The following RIMS1 variants were observed in gnomAD, a reference collection of about 807,000 sequenced individuals.
RIMS1 encodes the protein regulating synaptic membrane exocytosis protein 1.
RIMS1 carries 83 observed loss-of-function variants against 214.1 expected under a neutral mutation model. That is an observed-to-expected ratio of 0.39 (90% confidence interval 0.32 to 0.47). The LOEUF (loss-of-function observed/expected upper bound fraction) is 0.47. Among genes scored for constraint, RIMS1 ranks in the 20% least tolerant of loss-of-function variants. The pLI is 0.99. For missense variants in RIMS1, 2,050 were observed against 2,161.8 expected (o/e 0.95, Z 1.03); for synonymous variants, 793 against 786.8 (o/e 1.01, Z -0.13).
intron 2 of RIMS1, among the ~76,000 whole-genome samples, chr6:71,979,388 G>GC (rs1342828613): frequency 1.3e-5 from 2 of 152,026 alleles, no homozygotes; most frequent in Non-Finnish European, 2.9e-5. Flanking sequence ...TTAGTGGCTT[G>GC]CCCCAGGGTC....
intron 1 of RIMS1, among the ~76,000 whole-genome samples, chr6:71,936,187 C>T (rs1215313095): frequency 6.6e-6 from 1 of 151,282 alleles, no homozygotes. Context: ...ATTAGCCGGG[C>T]GTGGTAGCGG....
At chr6:72,088,838 G>C (rs1024038976) in intron 2 of RIMS1, among the ~76,000 whole-genome samples, 1 of 151,868 alleles carries the variant, frequency 6.6e-6, no homozygotes, top group African/African-American at 2.4e-5. Flanking sequence ...ATTTCCTGGT[G>C]GTGGCAAAAT....
intron 6 of RIMS1, among the ~76,000 whole-genome samples, chr6:72,205,981 T>C (rs1377562762): frequency 6.6e-6 from 1 of 152,152 alleles, no homozygotes; most frequent in Non-Finnish European, 1.5e-5. Context: ...TTTGAAAAAA[T>C]GATTACATAT....
chr6:71,976,156 A>G (rs1020741560), intron 2 of RIMS1, among the ~76,000 whole-genome samples: 2 of 152,138 alleles, frequency 1.3e-5, no homozygotes, highest in African/African-American at 2.4e-5. Flanking sequence ...AAGTAGCTGC[A>G]TTATTTTACA....
chr6:72,010,378 G>C (rs1584832599), intron 2 of RIMS1, among the ~76,000 whole-genome samples: 1 of 152,154 alleles, frequency 6.6e-6, no homozygotes, highest in South Asian at 2.1e-4. Flanking sequence ...ATATCATACT[G>C]AATGGGCAAA....
intron 1 of RIMS1, among the ~76,000 whole-genome samples, chr6:71,892,634 C>T (rs62407746): frequency 0.13 from 19,036 of 152,078 alleles, 1,351 homozygotes; most frequent in Middle Eastern, 0.2. Flanking sequence ...CCCACCATTC[C>T]ACCTAACCAT....
intron 2 of RIMS1, among the ~76,000 whole-genome samples, chr6:72,076,156 T>C (rs1831802838): frequency 6.6e-6 from 1 of 152,240 alleles, no homozygotes; most frequent in Non-Finnish European, 1.5e-5. Context: ...ATCCAGACAC[T>C]ATGCTAAGTC....
chr6:72,234,104 A>C (rs1379482526), intron 7 of RIMS1, among the ~76,000 whole-genome samples: 1 of 152,036 alleles, frequency 6.6e-6, no homozygotes, highest in Non-Finnish European at 1.5e-5. Context: ...ACAAGTCAAC[A>C]TACAGAATCA....
At chr6:72,325,125 C>A (rs2096390601) in intron 28 of RIMS1, among the ~76,000 whole-genome samples, 1 of 151,688 alleles carries the variant, frequency 6.6e-6, no homozygotes, top group Non-Finnish European at 1.5e-5. Flanking sequence ...TCTTATCTTC[C>A]ACAATTTTTT....
intron 4 of RIMS1, chr6:72,148,723 T>C: frequency 2.3e-6 from 1 of 439,192 alleles, no homozygotes; most frequent in South Asian, 1.6e-5. Context: ...GTTTTTTTTT[T>C]TTTTTCTAGG....
rs554009069 is a variant in RIMS1, at chr6:72,158,604, C to G, written c.472-20971C>G. Among the ~76,000 whole-genome samples the G allele has an allele frequency of 9.5e-5, 12 of 126,958 alleles. 1 individual carries two copies. The South Asian group carries it at 3.5e-3, about 37-fold the overall frequency. The allele number at this position is 126,958 out of a possible 152,430, so 83.3% of individuals were successfully genotyped here. ...GCCCTGGTGTGTGATGTTCCCCTTC[C>G]TGTGTCCATGTGTTCTCATTGCTCA... On this transcript the variant is annotated intron_variant, in intron 4 of 33. Coordinates refer to ENST00000521978, the MANE Select transcript of RIMS1 (RefSeq NM_014989.7).
intron 19 of RIMS1, among the ~76,000 whole-genome samples, chr6:72,264,505 T>C (rs2079517134): frequency 6.6e-6 from 1 of 152,180 alleles, no homozygotes. Flanking sequence ...TGCTGCAGTC[T>C]GGTACTATGA....
In RIMS1 at chr6:72,123,544, G is replaced by A. The variant is rs866315809; in HGVS notation, c.471+23558G>A. Among the ~76,000 whole-genome samples, 202 of 151,906 alleles carry A rather than the reference G, an allele frequency of 1.3e-3. 7 individuals carry two copies. The highest frequency in any genetic ancestry group is 3.4e-3 in the Middle Eastern group (1 of 294). On this transcript the variant is annotated intron_variant, in intron 4 of 33. Transcript: ENST00000521978. ...GATATCCTTGTTAACTTTCTGTCTC[G>A]TTGATCTGTCTAATATTGACAGTGG... is the stretch of plus-strand genomic sequence containing the variant.
chr6:71,992,406 CTTTCTTTCTTTCTTTCTT>C (rs1454187430), intron 2 of RIMS1, among the ~76,000 whole-genome samples: 1 of 51,860 alleles, frequency 1.9e-5, no homozygotes, highest in Non-Finnish European at 3.4e-5. Flanking sequence ...CTCTCTCTCT[CTTTCTTTCTTTCTTTCTT>C]TCTTTCTTTC....
In RIMS1 at chr6:71,887,114, G is replaced by C; in HGVS notation, c.91G>C (p.Glu31Gln). 6.2e-7 allele frequency: 1 copy of C among 1,613,582 alleles called. No homozygotes were observed. The highest frequency in any genetic ancestry group is 8.5e-7 in the Non-Finnish European group (1 of 1,179,708). ...ELPDLSHLTE[E>Q]ERNIIMAVMD... ...GCCCGACCTGAGCCACCTGACCGAA[G>C]AGGAGAGGAACATTATCATGGCAGT... is the stretch of plus-strand genomic sequence containing the variant. The change falls in exon 1 of 34, where the codon GAG (glutamate) becomes CAG (glutamine). Residue 31 changes from glutamate (E) to glutamine (Q), a missense_variant. Transcript: ENST00000521978.
intron 6 of RIMS1, among the ~76,000 whole-genome samples, chr6:72,221,166 A>G (rs1467697433): frequency 6.6e-6 from 1 of 152,024 alleles, no homozygotes; most frequent in Non-Finnish European, 1.5e-5. Flanking sequence ...TGGTTTAACA[A>G]AGCTAAATTG....
chr6:72,334,117 A>T (rs1292196504), intron 29 of RIMS1, among the ~76,000 whole-genome samples: 2 of 151,922 alleles, frequency 1.3e-5, no homozygotes, highest in East Asian at 3.9e-4. Flanking sequence ...AAGAAGTATT[A>T]AACATCCAAA....
At chr6:72,352,518 T>G (rs903491942) in intron 29 of RIMS1, among the ~76,000 whole-genome samples, 4 of 152,302 alleles carry the variant, frequency 2.6e-5, no homozygotes, top group African/African-American at 9.6e-5. Flanking sequence ...GTAATTCTAG[T>G]TTTTATAAAA....
chr6:72,239,459 G>T (rs2065741856), intron 9 of RIMS1, among the ~76,000 whole-genome samples: 2 of 152,136 alleles, frequency 1.3e-5, no homozygotes, highest in Admixed American at 6.6e-5. Flanking sequence ...AAGTGATTTT[G>T]CAGACTCAAT....
Sources: gnomAD v4.1 joint callset for allele counts (sites outside exome capture counted in the v4.1 genomes callset) on GRCh38, gnomAD v4.1.1 for gene constraint, MANE v1.5 for transcripts, NCBI Gene and HGNC (gene_info 2026-07-23, HGNC 2026-07-21) for gene names.